The following RUNX2 variants were observed in gnomAD, a reference collection of about 807,000 sequenced individuals.
RUNX2 encodes the protein runt-related transcription factor 2.
A neutral mutation model predicts 51.7 loss-of-function variants in RUNX2; 10 were observed. That is an observed-to-expected ratio of 0.19 (90% confidence interval 0.12 to 0.33). The LOEUF is 0.33. RUNX2 is among the 10% of genes least tolerant of loss of function. The pLI, the probability that RUNX2 is intolerant of heterozygous loss-of-function variation, is 1.00. For missense variants in RUNX2, 562 were observed against 691.3 expected, an observed-to-expected ratio of 0.81 and a Z score of 2.10; for synonymous variants, 276 against 273.6, an observed-to-expected ratio of 1.01 and a Z score of -0.09.
chr6:45,380,586 T>C lies in RUNX2; in HGVS notation c.59-42007T>C, dbSNP rs190861126. 3.9e-5 allele frequency among the ~76,000 whole-genome samples: 6 copies of C among 152,260 alleles called. No individual in the cohort carries two copies. The East Asian group carries it at 1.2e-3, about 29-fold the overall frequency. ...CCATGGAAGTGGTTTCTTTTTATTATTATTTTTTGAGACAGAGTCTCGCTC... is the reference window on the plus strand; with the variant it reads ...CCATGGAAGTGGTTTCTTTTTATTACTATTTTTTGAGACAGAGTCTCGCTC... On this transcript the variant is annotated intron_variant, in intron 2 of 8. Transcript: ENST00000647337.
chr6:45,375,041 T>C (rs1325219436), intron 2 of RUNX2, among the ~76,000 whole-genome samples: 1 of 152,094 alleles, frequency 6.6e-6, no homozygotes, highest in Non-Finnish European at 1.5e-5. Flanking sequence ...ACTCTGTCTC[T>C]ACAAAAAATA....
At chr6:45,438,123 G>C (rs1453064560) in intron 5 of RUNX2, 72 bp downstream of exon 5, 1 of 966,972 alleles carries the variant, frequency 1.0e-6, no homozygotes, top group African/African-American at 1.6e-5. Context: ...TATTCCAAAT[G>C]AGTTAGTGTC....
chr6:45,373,327 C>T (rs1371169853), intron 2 of RUNX2, among the ~76,000 whole-genome samples: 8 of 151,976 alleles, frequency 5.3e-5, no homozygotes, highest in Non-Finnish European at 1.2e-4. Flanking sequence ...AACTACAGTA[C>T]AAAAAAGCCT....
At chr6:45,378,060 G>A (rs1261864943) in intron 2 of RUNX2, 1 of 152,174 alleles carries the variant, frequency 6.6e-6, no homozygotes, top group Non-Finnish European at 1.5e-5. Context: ...ATGCGCGCTT[G>A]GCCAGGTGGC....
At chr6:45,394,506 C>T (rs1056811759) in intron 2 of RUNX2, among the ~76,000 whole-genome samples, 2 of 152,164 alleles carry the variant, frequency 1.3e-5, no homozygotes, top group South Asian at 2.1e-4. Flanking sequence ...CTGTGATTCT[C>T]AGTGAGTATA....
At chr6:45,377,416 AT>A (rs1796952851) in intron 2 of RUNX2, 1 of 151,804 alleles carries the variant, frequency 6.6e-6, no homozygotes, top group African/African-American at 2.4e-5. Context: ...TCCCTCTTTA[AT>A]GATTCCTCCG....
At chr6:45,432,373 T>C (rs1798566929) in intron 4 of RUNX2, among the ~76,000 whole-genome samples, 1 of 152,162 alleles carries the variant, frequency 6.6e-6, no homozygotes, top group African/African-American at 2.4e-5. Context: ...AATGGATATG[T>C]TGGATCAATT....
chr6:45,467,601 G>A lies in RUNX2; in HGVS notation c.686-24340G>A, dbSNP rs117152785. On this transcript the variant is annotated intron_variant, in intron 5 of 8. Transcript: ENST00000647337. ...CAGGCCTGCTTTATCTTTTAGAACCGCCACCCCCACCGCCCCCAGCCACTC... is the reference window on the plus strand; with the variant it reads ...CAGGCCTGCTTTATCTTTTAGAACCACCACCCCCACCGCCCCCAGCCACTC... 0.013 allele frequency among the ~76,000 whole-genome samples: 1,989 copies of A among 151,982 alleles called. 100 individuals carry two copies. In the East Asian group the frequency reaches 0.16, roughly 13 times the overall value.
intron 5 of RUNX2, among the ~76,000 whole-genome samples, chr6:45,460,786 G>T (rs566513125): frequency 6.6e-6 from 1 of 152,026 alleles, no homozygotes; most frequent in Non-Finnish European, 1.5e-5. Context: ...AAAAAAGAGT[G>T]AGTGACCCTT....
chr6:45,479,669 T>C (rs567181601), intron 5 of RUNX2, among the ~76,000 whole-genome samples: 1 of 152,326 alleles, frequency 6.6e-6, no homozygotes, highest in East Asian at 1.9e-4. Flanking sequence ...CATTATTGAT[T>C]AAATAATTCA....
intron 5 of RUNX2, among the ~76,000 whole-genome samples, chr6:45,470,685 A>G (rs990682091): frequency 1.3e-5 from 2 of 152,146 alleles, no homozygotes; most frequent in African/African-American, 2.4e-5. Context: ...CCTGGTCTCT[A>G]TGAGGTTTTC....
chr6:45,448,626 C>T (rs1190704121), intron 5 of RUNX2, among the ~76,000 whole-genome samples: 2 of 152,246 alleles, frequency 1.3e-5, no homozygotes, highest in African/African-American at 4.8e-5. Context: ...GACACTGAAG[C>T]AAGCTGGTGC....
chr6:45,470,342 C>T (rs1198010940), intron 5 of RUNX2, among the ~76,000 whole-genome samples: 1 of 152,150 alleles, frequency 6.6e-6, no homozygotes, highest in Admixed American at 6.5e-5. Context: ...GAGCCTCGCC[C>T]AGAGCCCAGC....
intron 2 of RUNX2, among the ~76,000 whole-genome samples, chr6:45,415,831 AAAG>A (rs1330032159): frequency 6.6e-6 from 1 of 152,210 alleles, no homozygotes; most frequent in African/African-American, 2.4e-5. Context: ...GCAGGTAAAA[AAAG>A]GTGAATTTGG....
intron 5 of RUNX2, among the ~76,000 whole-genome samples, chr6:45,476,155 A>G (rs1302586540): frequency 1.3e-5 from 2 of 152,198 alleles, no homozygotes; most frequent in Non-Finnish European, 2.9e-5. Flanking sequence ...CCATTCCACT[A>G]TACGTTGCTC....
chr6:45,380,607 C>A (rs997324050), intron 2 of RUNX2, among the ~76,000 whole-genome samples: 2 of 152,240 alleles, frequency 1.3e-5, no homozygotes, highest in East Asian at 3.9e-4. Flanking sequence ...GACAGAGTCT[C>A]GCTCTGTCAC....
chr6:45,392,653 A>G (rs868762363), intron 2 of RUNX2, among the ~76,000 whole-genome samples: 12 of 152,242 alleles, frequency 7.9e-5, no homozygotes, highest in Middle Eastern at 3.4e-3. Context: ...GGAGACCAAT[A>G]CATTGTAATG....
At chr6:45,538,358 C>G (rs1802103490) in intron 7 of RUNX2, among the ~76,000 whole-genome samples, 1 of 152,112 alleles carries the variant, frequency 6.6e-6, no homozygotes, top group South Asian at 2.1e-4. Context: ...CCCGCCACCT[C>G]CCACCCCCTC....
chr6:45,407,604 T>C (rs1217004528), intron 2 of RUNX2, among the ~76,000 whole-genome samples: 2 of 152,080 alleles, frequency 1.3e-5, no homozygotes, highest in African/African-American at 2.4e-5. Context: ...GAAATTCTCC[T>C]ATCTCAGCCT....
Sources: gnomAD v4.1 joint callset for allele counts (sites outside exome capture counted in the v4.1 genomes callset) on GRCh38, gnomAD v4.1.1 for gene constraint, MANE v1.5 for transcripts, NCBI Gene and HGNC (gene_info 2026-07-23, HGNC 2026-07-21) for gene names.